CLDN10: variants seen among roughly 807,000 people sequenced by gnomAD.
CLDN10 encodes claudin-10.
CLDN10 carries 15 observed loss-of-function variants against 22.9 expected under a neutral mutation model. The observed-to-expected ratio is 0.65, with a 90% CI of 0.44 to 1.01. The LOEUF (loss-of-function observed/expected upper bound fraction) is 1.01, where lower values mean the gene tolerates loss of function less well. Ranked by LOEUF, CLDN10 falls within the 50% of genes least tolerant of loss-of-function variation. CLDN10 has a pLI of 0.00. For synonymous variants in CLDN10, 114 were observed against 111.4 expected (o/e 1.02, Z -0.15); for missense variants, 247 against 287.8 (o/e 0.86, Z 1.03).
chr13:95,434,867 A>G (rs1390246881), intron 1 of CLDN10, among the ~76,000 whole-genome samples: 1 of 151,906 alleles, frequency 6.6e-6, no homozygotes, highest in Non-Finnish European at 1.5e-5. Context: ...AAGGGTTTCC[A>G]CGTTTTTTTT....
chr13:95,438,597 G>A (rs1406727242), intron 1 of CLDN10, among the ~76,000 whole-genome samples: 1 of 152,202 alleles, frequency 6.6e-6, no homozygotes, highest in Non-Finnish European at 1.5e-5. Flanking sequence ...AATGATGCTG[G>A]CTGTCTGCAG....
intron 1 of CLDN10, among the ~76,000 whole-genome samples, chr13:95,520,081 T>A (rs930075082): frequency 6.6e-6 from 1 of 152,226 alleles, no homozygotes; most frequent in Admixed American, 6.5e-5. Flanking sequence ...AACATGCGTA[T>A]GCCTGTGCTC....
In CLDN10 at chr13:95,441,500, C is replaced by A. The variant is rs1220292361; in HGVS notation, c.214+7453C>A. Among the ~76,000 whole-genome samples, 7 of 152,260 alleles carry A rather than the reference C, an allele frequency of 4.6e-5. No homozygotes were observed. The East Asian group carries it at 9.7e-4, about 21-fold the overall frequency. ...TTCAAGCAATCCTGTCTCAGCCTCC[C>A]AAAGTGCTGGGATTATAAGCATGAG... On this transcript the variant is annotated intron_variant, in intron 1 of 4. Transcript: ENST00000376873.
intron 3 of CLDN10, among the ~76,000 whole-genome samples, chr13:95,571,605 A>C (rs1352244802): frequency 6.6e-6 from 1 of 152,192 alleles, no homozygotes; most frequent in African/African-American, 2.4e-5. Flanking sequence ...CACCCCACAT[A>C]ACTGGGGCCC....
rs534146961 is a variant in CLDN10 at position 95,449,986 on chromosome 13, G to A, written c.214+15939G>A. Reference sequence around the variant, plus strand: ...TCTCAATCCCCTGACCTTGTGATCCGCCTGCTCGGCCTCCCAAAGTGCTGG... The same window carrying A: ...TCTCAATCCCCTGACCTTGTGATCCACCTGCTCGGCCTCCCAAAGTGCTGG... On this transcript the variant is annotated intron_variant, in intron 1 of 4. Transcript: ENST00000376873. Among the ~76,000 whole-genome samples, 24 of 151,568 alleles carry A rather than the reference G, an allele frequency of 1.6e-4. No homozygotes were observed. In the East Asian group the frequency reaches 3.9e-3, roughly 25 times the overall value.
chr13:95,467,317 A>C (rs2042590196), intron 1 of CLDN10, among the ~76,000 whole-genome samples: 1 of 152,132 alleles, frequency 6.6e-6, no homozygotes, highest in African/African-American at 2.4e-5. Flanking sequence ...AGCCCTGTAA[A>C]TGTCATTGCA....
intron 1 of CLDN10, among the ~76,000 whole-genome samples, chr13:95,503,600 G>T (rs1412415972): frequency 6.6e-6 from 1 of 152,164 alleles, no homozygotes; most frequent in Non-Finnish European, 1.5e-5. Flanking sequence ...AAGTGTCCGT[G>T]GGTGGATGAA....
At chr13:95,437,735 G>A (rs190677147) in intron 1 of CLDN10, among the ~76,000 whole-genome samples, 6 of 152,292 alleles carry the variant, frequency 3.9e-5, no homozygotes, top group East Asian at 1.9e-4. Context: ...ATTGAGGAGC[G>A]AGTGAGGAAA....
chr13:95,456,252 T>C (rs576911971), intron 1 of CLDN10, among the ~76,000 whole-genome samples: 2 of 152,342 alleles, frequency 1.3e-5, no homozygotes, highest in South Asian at 4.1e-4. Context: ...CTTTACTCCC[T>C]GTCTTTACTT....
chr13:95,434,478 AACAC>A (rs55653913), intron 1 of CLDN10, among the ~76,000 whole-genome samples: 5 of 145,728 alleles, frequency 3.4e-5, no homozygotes, highest in Admixed American at 1.4e-4. Flanking sequence ...TACACCCACA[AACAC>A]ACACACACAC....
chr13:95,560,699 T>C, intron 3 of CLDN10: 1 of 502,156 alleles, frequency 2.0e-6, no homozygotes, highest in Non-Finnish European at 3.6e-6. Context: ...GCATCAAATT[T>C]AGAACTATAA....
chr13:95,442,941 A>G (rs1437727138), intron 1 of CLDN10, among the ~76,000 whole-genome samples: 1 of 152,250 alleles, frequency 6.6e-6, no homozygotes, highest in Non-Finnish European at 1.5e-5. Context: ...GTTAGCCGTC[A>G]TGTTATTCAT....
intron 1 of CLDN10, among the ~76,000 whole-genome samples, chr13:95,533,081 A>G (rs945030695): frequency 6.6e-6 from 1 of 152,098 alleles, no homozygotes; most frequent in African/African-American, 2.4e-5. Context: ...TGTACACTTA[A>G]GATTTATAAA....
chr13:95,498,464 G>A (rs1249108859), intron 1 of CLDN10, among the ~76,000 whole-genome samples: 1 of 152,034 alleles, frequency 6.6e-6, no homozygotes, highest in African/African-American at 2.4e-5. Context: ...GTGCCATCAC[G>A]GCTCAGTGCA....
chr13:95,549,941 G>A (rs1952107), upstream of CLDN10, among the ~76,000 whole-genome samples: 42,503 of 152,094 alleles, frequency 0.28, 7,134 homozygotes, highest in Non-Finnish European at 0.37. Context: ...ATTCAACAAT[G>A]AGTTTAATAT....
At position 95,577,244 on chromosome 13, in the gene CLDN10, G is replaced by T; in HGVS notation, c.478G>T (p.Ala160Ser). 1 of 1,613,620 alleles carries T rather than the reference G, an allele frequency of 6.2e-7. No individual in the cohort carries two copies. The highest frequency in any genetic ancestry group is 8.5e-7 in the Non-Finnish European group (1 of 1,179,526). Residue 160 changes from alanine to serine, a missense_variant, in exon 4 of 5, where the codon GCC (alanine) becomes TCC (serine). By Grantham distance (99) the Ala-to-Ser change is moderately conservative (BLOSUM62 1). Coordinates refer to ENST00000299339, the MANE Select transcript of CLDN10 (RefSeq NM_006984.5). ...GCTTTCTCACAGGTATGAATTAGGA[G>T]CCGCTCTGTTTATTGGATGGGCAGG... ...LFVEQKYELGAALFIGWAGAS... is the reference protein window; with the variant it reads ...LFVEQKYELGSALFIGWAGAS...
At chr13:95,546,396 G>T (rs1332372882) in intron 1 of CLDN10, among the ~76,000 whole-genome samples, 1 of 152,006 alleles carries the variant, frequency 6.6e-6, no homozygotes, top group Admixed American at 6.5e-5. Context: ...AATGAAAATA[G>T]TACCCCATTG....
chr13:95,459,613 CAA>C (rs2042515281), intron 1 of CLDN10, among the ~76,000 whole-genome samples: 8 of 152,210 alleles, frequency 5.3e-5, no homozygotes, highest in Admixed American at 5.2e-4. Flanking sequence ...TGAGACTGGA[CAA>C]AGTAGCAAGA....
chr13:95,496,575 G>C (rs571551115), intron 1 of CLDN10, among the ~76,000 whole-genome samples: 1 of 152,184 alleles, frequency 6.6e-6, no homozygotes, highest in East Asian at 1.9e-4. Context: ...GGAAGTTCAC[G>C]GTCAAGGGCC....
Sources: allele counts gnomAD v4.1 joint callset (sites outside exome capture counted in the v4.1 genomes callset), GRCh38; gene constraint gnomAD v4.1.1; transcripts MANE v1.5; gene names NCBI Gene and HGNC (gene_info 2026-07-23, HGNC 2026-07-21).